Variants in ANKS1B observed in about 807,000 individuals in gnomAD.
The protein encoded by ANKS1B is ankyrin repeat and sterile alpha motif domain containing 1B.
ANKS1B carries 36 observed loss-of-function variants against 148.3 expected under a neutral mutation model. The observed-to-expected ratio is 0.24, with a 90% confidence interval of 0.19 to 0.32. The LOEUF is 0.32. Among genes scored for constraint, ANKS1B ranks in the 10% least tolerant of loss-of-function variants. The pLI, the probability that ANKS1B is intolerant of heterozygous loss-of-function variation, is 1.00. For synonymous variants in ANKS1B, 542 were observed against 560.8 expected (o/e 0.97, Z 0.47); for missense variants, 1,157 against 1,542.6 (o/e 0.75, Z 4.19).
At chr12:99,819,991 T>C (rs1372164176) in intron 2 of ANKS1B, among the ~76,000 whole-genome samples, 1 of 151,710 alleles carries the variant, frequency 6.6e-6, no homozygotes, top group Non-Finnish European at 1.5e-5. Flanking sequence ...GGATTTGAAT[T>C]TGCAGTAGAA....
Position 98,735,849 on chromosome 12 carries a change from C to T in ANKS1B, c.691-215G>A, listed in dbSNP as rs137988298. ...TAGTGAATTTGGTGGTATGTACAAG[C>T]GGAGGGGAAGGGGTTACGGTTTTAG... On this transcript the variant is annotated intron_variant, in intron 9 of 9. Transcript: ENST00000341752. Among the ~76,000 whole-genome samples, 109 of 152,064 alleles carry T rather than the reference C, an allele frequency of 7.2e-4. 4 individuals carry two copies. In the East Asian group the frequency reaches 0.019, roughly 27 times the overall value.
intron 15 of ANKS1B, among the ~76,000 whole-genome samples, chr12:99,105,785 A>C (rs981324589): frequency 2.0e-5 from 3 of 151,788 alleles, no homozygotes; most frequent in Non-Finnish European, 2.9e-5. Flanking sequence ...AAAAAAAAAA[A>C]AAAACTAAAA....
chr12:99,550,352 G>T (rs577702304), intron 9 of ANKS1B, among the ~76,000 whole-genome samples: 5 of 152,098 alleles, frequency 3.3e-5, no homozygotes, highest in African/African-American at 1.2e-4. Flanking sequence ...AATCAAGCGC[G>T]GTGGCTTAGG....
At chr12:99,180,581 T>C (rs894429371) in intron 14 of ANKS1B, among the ~76,000 whole-genome samples, 28 of 152,024 alleles carry the variant, frequency 1.8e-4, no homozygotes, top group African/African-American at 5.6e-4. Flanking sequence ...TTTCCCAAGA[T>C]TGGGGCTAAT....
chr12:99,862,422 A>G (rs1366665665), intron 1 of ANKS1B, among the ~76,000 whole-genome samples: 4 of 152,264 alleles, frequency 2.6e-5, no homozygotes, highest in African/African-American at 9.6e-5. Context: ...AAAAAGAAAA[A>G]GCACAAAGGT....
intron 12 of ANKS1B, among the ~76,000 whole-genome samples, chr12:99,348,170 G>T (rs760499945): frequency 2.6e-5 from 4 of 151,828 alleles, no homozygotes; most frequent in African/African-American, 9.7e-5. Flanking sequence ...AATAAATGAA[G>T]ATAAATGAAC....
intron 9 of ANKS1B, among the ~76,000 whole-genome samples, chr12:99,646,740 T>C (rs1399048499): frequency 2.0e-5 from 3 of 150,660 alleles, no homozygotes; most frequent in Non-Finnish European, 4.4e-5. Context: ...TGGGTTATCA[T>C]GTGTACTGTC....
intron 8 of ANKS1B, among the ~76,000 whole-genome samples, chr12:99,769,142 G>T (rs2153617254): frequency 6.6e-6 from 1 of 152,102 alleles, no homozygotes; most frequent in African/African-American, 2.4e-5. Flanking sequence ...AGATTTACGA[G>T]ATTTGTTCCA....
chr12:98,850,617 G>A (rs573522166), intron 17 of ANKS1B, among the ~76,000 whole-genome samples: 23 of 151,762 alleles, frequency 1.5e-4, no homozygotes, highest in Middle Eastern at 3.4e-3. Context: ...ACTGGCACAC[G>A]CCGCCACGCT....
chr12:99,325,672 G>C (rs150307754), intron 12 of ANKS1B, among the ~76,000 whole-genome samples: 2 of 152,058 alleles, frequency 1.3e-5, no homozygotes, highest in Non-Finnish European at 2.9e-5. Flanking sequence ...GCAGACAAAC[G>C]GAAATTTTCA....
At chr12:99,167,063 CA>C (rs34837374) in intron 14 of ANKS1B, among the ~76,000 whole-genome samples, 64 of 151,350 alleles carry the variant, frequency 4.2e-4, no homozygotes, top group African/African-American at 1.4e-3. Context: ...ACCTATATGC[CA>C]AAAAAAATTT....
intron 22 of ANKS1B, among the ~76,000 whole-genome samples, chr12:98,787,095 A>G (rs1205842674): frequency 1.3e-5 from 2 of 152,216 alleles, no homozygotes; most frequent in Non-Finnish European, 2.9e-5. Context: ...AGGATCAAGC[A>G]ATTATGTTTG....
intron 8 of ANKS1B, among the ~76,000 whole-genome samples, chr12:99,707,324 A>G (rs2153530423): frequency 6.6e-6 from 1 of 152,218 alleles, no homozygotes; most frequent in East Asian, 1.9e-4. Context: ...CGTCATCCAG[A>G]AGTCATAAAA....
At chr12:99,244,261 A>G in intron 14 of ANKS1B, 81 bp downstream of exon 14, 1 of 936,086 alleles carries the variant, frequency 1.1e-6, no homozygotes, top group Non-Finnish European at 1.6e-6. Context: ...AAAAAAATGC[A>G]ATTATCTAAA....
chr12:98,948,264 T>C (rs1052550621), intron 17 of ANKS1B, among the ~76,000 whole-genome samples: 1 of 152,218 alleles, frequency 6.6e-6, no homozygotes, highest in African/African-American at 2.4e-5. Flanking sequence ...CTTGTCTTTC[T>C]GAATTACTGG....
chr12:98,921,004 T>A (rs951567792), intron 17 of ANKS1B, among the ~76,000 whole-genome samples: 1 of 152,218 alleles, frequency 6.6e-6, no homozygotes, highest in Admixed American at 6.5e-5. Context: ...TTTGGCTAGA[T>A]TCAATACATG....
At chr12:99,744,746 C>G (rs2060428684) in intron 8 of ANKS1B, among the ~76,000 whole-genome samples, 1 of 152,060 alleles carries the variant, frequency 6.6e-6, no homozygotes, top group Admixed American at 6.6e-5. Flanking sequence ...AATCCCAGCA[C>G]TTTGGGAGGC....
chr12:99,126,984 T>A (rs2064576182), intron 15 of ANKS1B, among the ~76,000 whole-genome samples: 1 of 151,938 alleles, frequency 6.6e-6, no homozygotes, highest in South Asian at 2.1e-4. Flanking sequence ...ACCTTGAATT[T>A]AAAAAAAACT....
chr12:99,756,742 G>A (rs1394791859), intron 8 of ANKS1B, among the ~76,000 whole-genome samples: 1 of 151,906 alleles, frequency 6.6e-6, no homozygotes, highest in Non-Finnish European at 1.5e-5. Flanking sequence ...CAGACCAATG[G>A]AACAGTATAG....
Sources: allele counts gnomAD v4.1 joint callset (sites outside exome capture counted in the v4.1 genomes callset), GRCh38; gene constraint gnomAD v4.1.1; transcripts MANE v1.5; gene names NCBI Gene and HGNC (gene_info 2026-07-23, HGNC 2026-07-21).